PTPRR: variants seen among roughly 807,000 people sequenced by gnomAD.
PTPRR encodes receptor-type tyrosine-protein phosphatase R.
Under a neutral mutation model 77.2 loss-of-function variants are expected in PTPRR, and 38 were observed. The observed-to-expected ratio is 0.49, with a 90% CI of 0.38 to 0.65. The LOEUF is 0.65. Ranked by LOEUF, PTPRR falls within the 30% of genes least tolerant of loss-of-function variation. The probability of loss-of-function intolerance (pLI) is 0.00; values close to 1 mark genes in which losing one functional copy is unlikely to be tolerated. For missense variants in PTPRR, 744 were observed against 799.2 expected (o/e 0.93, Z 0.83); for synonymous variants, 299 against 283.1 (o/e 1.06, Z -0.57).
intron 12 of PTPRR, among the ~76,000 whole-genome samples, chr12:70,659,155 G>A (rs1886702435): frequency 1.3e-5 from 2 of 151,798 alleles, no homozygotes; most frequent in Admixed American, 6.6e-5. Flanking sequence ...TGCCTGCCTC[G>A]GCCTCCCAAA....
At chr12:70,773,157 C>T (rs902174694) in intron 2 of PTPRR, among the ~76,000 whole-genome samples, 1 of 152,240 alleles carries the variant, frequency 6.6e-6, no homozygotes, top group African/African-American at 2.4e-5. Flanking sequence ...TTTATAAGGG[C>T]CTCCTTATAT....
chr12:70,663,633 T>A (rs1886875359), intron 10 of PTPRR, among the ~76,000 whole-genome samples: 1 of 152,358 alleles, frequency 6.6e-6, no homozygotes, highest in Middle Eastern at 3.4e-3. Context: ...AATCTCATTT[T>A]GCTTTTTAAA....
intron 8 of PTPRR, among the ~76,000 whole-genome samples, chr12:70,686,434 A>G (rs916499457): frequency 6.6e-6 from 1 of 152,234 alleles, no homozygotes; most frequent in African/African-American, 2.4e-5. Flanking sequence ...TAACCAGCCC[A>G]TGAGGACGGT....
In PTPRR at chr12:70,920,504, G is replaced by T. The variant is rs375973051; in HGVS notation, c.-114C>A. 2.3e-5 allele frequency: 24 copies of T among 1,035,742 alleles called. No homozygotes were observed. The highest frequency in any genetic ancestry group is 2.1e-4 in the South Asian group (15 of 72,272). 64.2% of individuals were successfully genotyped at this position (1,035,742 alleles called of 1,614,324 possible). A position where few individuals can be genotyped will look rare whatever the true frequency, so the allele number is the denominator to read the frequency against. ...TCTAGTCTCCGGGATTCAGGTCCTC[G>T]GCTGGGGTTTGCAGAGCAGTCAGTC... On this transcript the variant is annotated 5_prime_UTR_variant, in exon 1 of 14. Transcript: ENST00000283228.
At chr12:70,772,872 A>AT (rs200865263) in intron 2 of PTPRR, among the ~76,000 whole-genome samples, 3 of 152,014 alleles carry the variant, frequency 2.0e-5, no homozygotes, top group Non-Finnish European at 2.9e-5. Flanking sequence ...ATCTTACTTT[A>AT]TTTTTTTTTA....
intron 2 of PTPRR, among the ~76,000 whole-genome samples, chr12:70,785,470 A>G (rs1188620265): frequency 1.3e-5 from 2 of 152,144 alleles, no homozygotes; most frequent in Non-Finnish European, 1.5e-5. Context: ...GAACTTTTGT[A>G]TATTGTTCTG....
At position 70,694,706 on chromosome 12, in the gene PTPRR, G is replaced by T. The variant is rs1888170016; in HGVS notation, c.1279+3559C>A. 2.0e-5 allele frequency among the ~76,000 whole-genome samples: 3 copies of T among 152,086 alleles called. No homozygotes were observed. In the South Asian group the frequency reaches 6.2e-4, roughly 32 times the overall value. On this transcript the variant is annotated intron_variant, in intron 8 of 13. Coordinates refer to ENST00000283228, the MANE Select transcript of PTPRR (RefSeq NM_002849.4). Reference sequence around the variant, plus strand: ...TGAAAATCTTCCTATTGGGTACTATGTTCACTCTCTGGGTGTCATGCCGTC... The same window carrying T: ...TGAAAATCTTCCTATTGGGTACTATTTTCACTCTCTGGGTGTCATGCCGTC...
intron 2 of PTPRR, among the ~76,000 whole-genome samples, chr12:70,789,617 G>T (rs1189934619): frequency 6.6e-6 from 1 of 151,824 alleles, no homozygotes; most frequent in African/African-American, 2.4e-5. Context: ...TATTATTAGA[G>T]AAATATTTTG....
chr12:70,892,006 C>T (rs930039867), intron 2 of PTPRR, among the ~76,000 whole-genome samples: 2 of 151,970 alleles, frequency 1.3e-5, no homozygotes, highest in Non-Finnish European at 1.5e-5. Flanking sequence ...AGGGTGTCAA[C>T]CTCAGTATGT....
chr12:70,805,028 T>C (rs1231186955), intron 2 of PTPRR, among the ~76,000 whole-genome samples: 1 of 152,206 alleles, frequency 6.6e-6, no homozygotes, highest in African/African-American at 2.4e-5. Context: ...AGATAGTATA[T>C]ATCCTTTATA....
At chr12:70,817,502 G>T (rs984378038) in intron 2 of PTPRR, among the ~76,000 whole-genome samples, 1 of 152,190 alleles carries the variant, frequency 6.6e-6, no homozygotes, top group Non-Finnish European at 1.5e-5. Context: ...TTCTCAAGTA[G>T]TTAATTTTCA....
chr12:70,756,505 C>T (rs554350332), intron 4 of PTPRR, among the ~76,000 whole-genome samples: 1 of 152,048 alleles, frequency 6.6e-6, no homozygotes, highest in Non-Finnish European at 1.5e-5. Context: ...TAGGGTTAAC[C>T]CCATGCTTTT....
intron 8 of PTPRR, among the ~76,000 whole-genome samples, chr12:70,691,615 A>G (rs191089241): frequency 1.1e-3 from 164 of 152,238 alleles, no homozygotes; most frequent in African/African-American, 3.6e-3. Context: ...AATGGACCAC[A>G]GGTTTGTGAA....
At chr12:70,784,010 C>G (rs901732824) in intron 2 of PTPRR, among the ~76,000 whole-genome samples, 3 of 152,174 alleles carry the variant, frequency 2.0e-5, no homozygotes, top group Admixed American at 2.0e-4. Flanking sequence ...AGCCCGGCAA[C>G]AGAGACAGGC....
chr12:70,688,808 T>C (rs1234110855), intron 8 of PTPRR, among the ~76,000 whole-genome samples: 3 of 152,172 alleles, frequency 2.0e-5, no homozygotes, highest in Non-Finnish European at 4.4e-5. Context: ...AACAGATGAA[T>C]GGATTTTAAA....
intron 2 of PTPRR, among the ~76,000 whole-genome samples, chr12:70,852,927 C>T (rs1892594027): frequency 6.6e-6 from 1 of 152,084 alleles, no homozygotes; most frequent in Admixed American, 6.6e-5. Context: ...CGGGCAGGAT[C>T]TTGGGGCTTT....
intron 2 of PTPRR, among the ~76,000 whole-genome samples, chr12:70,834,801 T>C (rs1011662320): frequency 1.3e-5 from 2 of 152,160 alleles, no homozygotes; most frequent in African/African-American, 4.8e-5. Flanking sequence ...TTTATCATTC[T>C]ACAGATAAGG....
intron 10 of PTPRR, among the ~76,000 whole-genome samples, chr12:70,670,217 TATCCAGTAATTCCTTCACTTCA>T (rs1281339372): frequency 6.6e-6 from 1 of 152,304 alleles, no homozygotes; most frequent in East Asian, 1.9e-4. Flanking sequence ...TAGGCCAAAT[TATCCAGTAATTCCTTCACTTCA>T]TGAAAGATAG....
At chr12:70,807,840 G>T (rs1225562185) in intron 2 of PTPRR, among the ~76,000 whole-genome samples, 1 of 152,136 alleles carries the variant, frequency 6.6e-6, no homozygotes, top group Non-Finnish European at 1.5e-5. Flanking sequence ...TCAGGACTCT[G>T]TGATGATTGC....
Sources: allele counts gnomAD v4.1 joint callset (sites outside exome capture counted in the v4.1 genomes callset), GRCh38; gene constraint gnomAD v4.1.1; transcripts MANE v1.5; gene names NCBI Gene and HGNC (gene_info 2026-07-23, HGNC 2026-07-21).